The following SGMS2 variants were observed in gnomAD, a reference collection of about 807,000 sequenced individuals.
SGMS2 encodes the protein sphingomyelin synthase 2, also known as phosphatidylcholine:ceramide cholinephosphotransferase 2.
SGMS2 carries 21 observed loss-of-function variants against 43.8 expected under a neutral mutation model. The ratio of observed to expected loss-of-function variants is 0.48; its 90% CI spans 0.34 to 0.69. SGMS2 has a LOEUF of 0.69. SGMS2 is among the 30% of genes least tolerant of loss of function. The probability of loss-of-function intolerance (pLI) is 0.01; values close to 1 mark genes in which losing one functional copy is unlikely to be tolerated. For synonymous variants in SGMS2, 167 were observed against 160.6 expected, an observed-to-expected ratio of 1.04 and a Z score of -0.30; for missense variants, 384 against 443.2, an observed-to-expected ratio of 0.87 and a Z score of 1.20.
rs560808949 is a variant in SGMS2, at chr4:107,846,434, A to G, written c.-326-12038A>G. ...AATTTTATCCATGTCCCTACAAAGG[A>G]CATGAACTCATCATTTTTTATGGCT... On this transcript the variant is annotated intron_variant, in intron 1 of 6. Coordinates refer to ENST00000690982, the MANE Select transcript of SGMS2 (RefSeq NM_001375905.1). 5.6e-3 allele frequency among the ~76,000 whole-genome samples: 845 copies of G among 151,224 alleles called. 8 individuals are homozygous for G. Among genetic ancestry groups the G allele is most frequent in the African/African-American group, 0.02 (810 of 41,182 alleles).
chr4:107,852,374 G>A (rs889476524), intron 1 of SGMS2, among the ~76,000 whole-genome samples: 1 of 152,080 alleles, frequency 6.6e-6, no homozygotes, highest in Non-Finnish European at 1.5e-5. Context: ...TGTGACTATG[G>A]TAGCTATTTG....
At chr4:107,885,053 C>A (rs1044553056) in intron 2 of SGMS2, among the ~76,000 whole-genome samples, 15 of 152,124 alleles carry the variant, frequency 9.9e-5, no homozygotes, top group Admixed American at 9.2e-4. Flanking sequence ...GTTTAGGGTA[C>A]CATGCCAGAG....
intron 4 of SGMS2, among the ~76,000 whole-genome samples, chr4:107,902,846 T>C (rs1402038162): frequency 4.6e-5 from 7 of 152,156 alleles, no homozygotes; most frequent in Non-Finnish European, 1.0e-4. Flanking sequence ...AGAATATTGG[T>C]AATGTGGTAT....
chr4:107,885,027 T>C lies in SGMS2; in HGVS notation c.-244-10283T>C, dbSNP rs555824906. Among the ~76,000 whole-genome samples, 3 of 152,316 alleles carry C rather than the reference T, an allele frequency of 2.0e-5. No individual in the cohort carries two copies. In the South Asian group the frequency reaches 6.2e-4, roughly 32 times the overall value. ...TAGTTCCTCTCTCAGTGGATGGCAG[T>C]TTCATTAGTTCATTTGTTTAGGGTA... On this transcript the variant is annotated intron_variant, in intron 2 of 6. Coordinates refer to ENST00000690982, the MANE Select transcript of SGMS2 (RefSeq NM_001375905.1).
At chr4:107,852,674 T>G (rs1415189095) in intron 1 of SGMS2, among the ~76,000 whole-genome samples, 1 of 152,170 alleles carries the variant, frequency 6.6e-6, no homozygotes, top group Non-Finnish European at 1.5e-5. Context: ...GATAGGAGCA[T>G]TTCATTATTC....
At chr4:107,830,112 T>C (rs1351919460) in intron 1 of SGMS2, among the ~76,000 whole-genome samples, 2 of 152,204 alleles carry the variant, frequency 1.3e-5, no homozygotes, top group African/African-American at 4.8e-5. Context: ...CTCCCACTTA[T>C]AAGTGAGAAC....
chr4:107,863,639 CGATCAT>C (rs1051904656), intron 2 of SGMS2: 1 of 152,136 alleles, frequency 6.6e-6, no homozygotes, highest in African/African-American at 2.4e-5. Flanking sequence ...AAAGGCCATG[CGATCAT>C]GGAGCATTGC....
At chr4:107,854,206 G>GAAATTC (rs1178743167) in intron 1 of SGMS2, among the ~76,000 whole-genome samples, 1 of 152,186 alleles carries the variant, frequency 6.6e-6, no homozygotes, top group Non-Finnish European at 1.5e-5. Context: ...AATAGCTGTG[G>GAAATTC]AAATTCAACT....
intron 1 of SGMS2, among the ~76,000 whole-genome samples, chr4:107,834,194 A>T (rs2125989257): frequency 6.6e-6 from 1 of 152,362 alleles, no homozygotes; most frequent in East Asian, 1.9e-4. Flanking sequence ...GGGCTGCCTG[A>T]TCTCATGATT....
Position 107,900,796 on chromosome 4 carries a change from A to G in SGMS2, c.573+1104A>G, listed in dbSNP as rs143477856. On this transcript the variant is annotated intron_variant, in intron 4 of 6. Coordinates refer to ENST00000690982, the MANE Select transcript of SGMS2 (RefSeq NM_001375905.1). ...ATCAAGCTTCTCTGAAGACGTCCAC[A>G]GTCTCCCTCACCAAATATAGGTGTG... Among the ~76,000 whole-genome samples the G allele has an allele frequency of 8.5e-5, 13 of 152,340 alleles. No homozygotes were observed. The East Asian group carries it at 2.5e-3, about 29-fold the overall frequency.
In SGMS2 at chr4:107,912,710, A is replaced by C. The variant is rs1732202282; in HGVS notation, c.*2157A>C. On this transcript the variant is annotated 3_prime_UTR_variant, in exon 7 of 7. Coordinates refer to ENST00000690982, the MANE Select transcript of SGMS2 (RefSeq NM_001375905.1). ...AACTTAATAAAATAAAAAATTGTGC[A>C]CCAATTACTACAGATCCTTGAAACA... 6.6e-6 allele frequency: 1 copy of C among 152,174 alleles called. No individual in the cohort carries two copies. The highest frequency in any genetic ancestry group is 2.4e-5 in the African/African-American group (1 of 41,448). The allele number at this position is 152,174 out of a possible 1,614,324, so 9.4% of individuals were successfully genotyped here.
intron 4 of SGMS2, among the ~76,000 whole-genome samples, chr4:107,902,219 G>A (rs1173958004): frequency 6.8e-6 from 1 of 147,784 alleles, no homozygotes; most frequent in Non-Finnish European, 1.5e-5. Flanking sequence ...CAGCAGCCAA[G>A]TTGGTCTCTC....
Position 107,901,492 on chromosome 4 carries a change from C to T in SGMS2, c.574-1741C>T, listed in dbSNP as rs79758048. Among the ~76,000 whole-genome samples the T allele has an allele frequency of 2.8e-3, 431 of 152,306 alleles. 2 individuals are homozygous for T. The highest frequency in any genetic ancestry group is 5.5e-3 in the Non-Finnish European group (371 of 68,026). ...GAACTTTGTATGTGGAAGCCACTCA[C>T]TATGGAAAAGTGTCATATCTGTTAT... On this transcript the variant is annotated intron_variant, in intron 4 of 6. Transcript: ENST00000690982.
At chr4:107,856,381 C>A (rs1727427408) in intron 1 of SGMS2, among the ~76,000 whole-genome samples, 1 of 152,130 alleles carries the variant, frequency 6.6e-6, no homozygotes, top group Non-Finnish European at 1.5e-5. Context: ...TGCCCATTCT[C>A]CTTTTTGACA....
intron 6 of SGMS2, among the ~76,000 whole-genome samples, chr4:107,910,132 A>C (rs1347405284): frequency 1.3e-5 from 2 of 152,176 alleles, no homozygotes; most frequent in East Asian, 3.9e-4. Context: ...AATTGCAGGC[A>C]GAAGAAATTG....
At chr4:107,858,923 A>G (rs2126028607) in intron 2 of SGMS2, among the ~76,000 whole-genome samples, 1 of 152,324 alleles carries the variant, frequency 6.6e-6, no homozygotes, top group East Asian at 1.9e-4. Context: ...GAAAACAGAA[A>G]ATCTTCAAAG....
chr4:107,870,966 T>C (rs1311917543), intron 2 of SGMS2, among the ~76,000 whole-genome samples: 3 of 152,224 alleles, frequency 2.0e-5, no homozygotes, highest in Non-Finnish European at 4.4e-5. Context: ...AGCTTCCTAA[T>C]GCTAATTGAA....
chr4:107,853,976 C>T (rs1224527757), intron 1 of SGMS2, among the ~76,000 whole-genome samples: 1 of 152,180 alleles, frequency 6.6e-6, no homozygotes, highest in Non-Finnish European at 1.5e-5. Context: ...ATTTAGTGTA[C>T]GTGAACCGCA....
At chr4:107,892,057 T>A (rs6842291) in intron 2 of SGMS2, among the ~76,000 whole-genome samples, 1 of 150,132 alleles carries the variant, frequency 6.7e-6, no homozygotes, top group African/African-American at 2.5e-5. Context: ...CCAAGAACTC[T>A]TACCCTCACT....
Sources: gnomAD v4.1 joint callset for allele counts (sites outside exome capture counted in the v4.1 genomes callset) on GRCh38, gnomAD v4.1.1 for gene constraint, MANE v1.5 for transcripts, NCBI Gene and HGNC (gene_info 2026-07-23, HGNC 2026-07-21) for gene names.